LPP: variants seen among roughly 807,000 people sequenced by gnomAD.
LPP encodes lipoma-preferred partner.
Under a neutral mutation model 60.4 loss-of-function variants are expected in LPP, and 38 were observed. The observed-to-expected ratio is 0.63, with a 90% CI of 0.49 to 0.83. The LOEUF (loss-of-function observed/expected upper bound fraction) is 0.83, where lower values mean the gene tolerates loss of function less well. Among genes scored for constraint, LPP ranks in the 40% least tolerant of loss-of-function variants. The probability of loss-of-function intolerance (pLI) is 0.00; values close to 1 mark genes in which losing one functional copy is unlikely to be tolerated. For synonymous variants in LPP, 328 were observed against 290.8 expected (o/e 1.13, Z -1.30); for missense variants, 902 against 783.6 (o/e 1.15, Z -1.80).
intron 1 of LPP, among the ~76,000 whole-genome samples, chr3:188,184,244 TC>T (rs1365833692): frequency 1.3e-5 from 2 of 152,162 alleles, no homozygotes; most frequent in Non-Finnish European, 2.9e-5. Flanking sequence ...ACGGACTACT[TC>T]CAGCACCGAG....
intron 7 of LPP, among the ~76,000 whole-genome samples, chr3:188,705,606 A>AT (rs1042525720): frequency 6.6e-6 from 1 of 151,448 alleles, no homozygotes; most frequent in Admixed American, 6.6e-5. Context: ...TATATATATA[A>AT]TTTTTTTTAA....
At chr3:188,689,963 G>T (rs1413758807) in intron 7 of LPP, among the ~76,000 whole-genome samples, 1 of 151,816 alleles carries the variant, frequency 6.6e-6, no homozygotes, top group Non-Finnish European at 1.5e-5. Context: ...ATCCAGAATG[G>T]GATTTTTAAG....
At chr3:188,463,973 T>A (rs1213680080) in intron 4 of LPP, among the ~76,000 whole-genome samples, 1 of 152,180 alleles carries the variant, frequency 6.6e-6, no homozygotes, top group Non-Finnish European at 1.5e-5. Flanking sequence ...AATTGAAGTG[T>A]GCCCTAATCA....
chr3:188,507,152 G>A (rs1267442992), intron 5 of LPP, among the ~76,000 whole-genome samples: 4 of 152,114 alleles, frequency 2.6e-5, no homozygotes, highest in Non-Finnish European at 4.4e-5. Flanking sequence ...GATATTTGTG[G>A]CTTGATTGAT....
At chr3:188,788,896 A>C (rs1742760748) in intron 9 of LPP, among the ~76,000 whole-genome samples, 1 of 152,140 alleles carries the variant, frequency 6.6e-6, no homozygotes, top group Non-Finnish European at 1.5e-5. Flanking sequence ...ATAGACCAGA[A>C]TGAATCAAGG....
intron 4 of LPP, among the ~76,000 whole-genome samples, chr3:188,460,957 G>T (rs1798835469): frequency 6.6e-6 from 1 of 152,154 alleles, no homozygotes. Flanking sequence ...AGAGAACTAG[G>T]CTATGTCTTG....
At chr3:188,225,768 A>G (rs1020090124) in intron 2 of LPP, among the ~76,000 whole-genome samples, 2 of 152,302 alleles carry the variant, frequency 1.3e-5, no homozygotes, top group East Asian at 1.9e-4. Context: ...CAGCTCTTGG[A>G]AGGTGGTAGC....
chr3:188,358,768 A>G (rs1464283639), intron 3 of LPP, among the ~76,000 whole-genome samples: 1 of 152,156 alleles, frequency 6.6e-6, no homozygotes, highest in Non-Finnish European at 1.5e-5. Context: ...AGCGTTCCAA[A>G]AGCATATTCG....
At chr3:188,253,401 CA>C (rs1730612587) in intron 2 of LPP, among the ~76,000 whole-genome samples, 1 of 152,224 alleles carries the variant, frequency 6.6e-6, no homozygotes, top group East Asian at 1.9e-4. Context: ...ATCTTTAATT[CA>C]TCTGCAGTTT....
intron 4 of LPP, among the ~76,000 whole-genome samples, chr3:188,450,914 A>G (rs1164146234): frequency 1.3e-5 from 2 of 152,154 alleles, no homozygotes; most frequent in African/African-American, 2.4e-5. Context: ...GCTGCCACAA[A>G]TGTACTGTCG....
intron 1 of LPP, among the ~76,000 whole-genome samples, chr3:188,155,896 TC>T (rs1716212134): frequency 6.6e-6 from 1 of 152,026 alleles, no homozygotes; most frequent in Non-Finnish European, 1.5e-5. Flanking sequence ...GGAACTGTAG[TC>T]CCAGCTACTC....
chr3:188,263,976 A>C (rs1018115348), intron 2 of LPP, among the ~76,000 whole-genome samples: 1 of 152,142 alleles, frequency 6.6e-6, no homozygotes, highest in African/African-American at 2.4e-5. Flanking sequence ...TGGAGGGTCT[A>C]CTGTGTGCAA....
chr3:188,563,718 G>C lies in LPP; in HGVS notation c.429+38931G>C, dbSNP rs5855205. Among the ~76,000 whole-genome samples, 594 of 93,946 alleles carry C rather than the reference G, an allele frequency of 6.3e-3. 3 individuals carry two copies. The highest frequency in any genetic ancestry group is 0.01 in the Non-Finnish European group (435 of 42,448). 61.6% of individuals were successfully genotyped at this position (93,946 alleles called of 152,430 possible). ...TGAATCCAGAATTGGAATTGCTTGT[G>C]TTTTTTTTTGTTTTTTTTTTGTTTT... On this transcript the variant is annotated intron_variant, in intron 6 of 11. Coordinates refer to ENST00000617246, the MANE Select transcript of LPP (RefSeq NM_001375462.1).
intron 3 of LPP, among the ~76,000 whole-genome samples, chr3:188,389,477 G>C (rs1003580276): frequency 2.6e-5 from 4 of 152,060 alleles, no homozygotes; most frequent in Non-Finnish European, 5.9e-5. Context: ...TCCCTCCATG[G>C]TCTCTTAGAA....
intron 4 of LPP, among the ~76,000 whole-genome samples, chr3:188,459,107 A>G (rs1161915775): frequency 6.6e-6 from 1 of 152,090 alleles, no homozygotes; most frequent in Non-Finnish European, 1.5e-5. Flanking sequence ...TTTATAGAAG[A>G]GTTGTGGTTT....
chr3:188,734,846 G>T (rs773983500), intron 8 of LPP, among the ~76,000 whole-genome samples: 1 of 152,208 alleles, frequency 6.6e-6, no homozygotes, highest in Non-Finnish European at 1.5e-5. Context: ...ACACTGATAG[G>T]TTTGGGGAGC....
chr3:188,645,534 C>G (rs1015296015), intron 7 of LPP, among the ~76,000 whole-genome samples: 2 of 152,048 alleles, frequency 1.3e-5, no homozygotes, highest in African/African-American at 4.8e-5. Context: ...GGTGTGGTCT[C>G]GTGCATGGAG....
intron 7 of LPP, among the ~76,000 whole-genome samples, chr3:188,690,089 AT>A (rs1407790532): frequency 6.6e-6 from 1 of 152,210 alleles, no homozygotes; most frequent in African/African-American, 2.4e-5. Context: ...GATGTGCATA[AT>A]GCTCCCAAAG....
At chr3:188,526,506 C>T (rs7624821) in intron 6 of LPP, among the ~76,000 whole-genome samples, 1 of 151,992 alleles carries the variant, frequency 6.6e-6, no homozygotes, top group Non-Finnish European at 1.5e-5. Context: ...GGCCAGGCTT[C>T]TCTGGAACTC....
Sources: allele counts gnomAD v4.1 joint callset (sites outside exome capture counted in the v4.1 genomes callset), GRCh38; gene constraint gnomAD v4.1.1; transcripts MANE v1.5; gene names NCBI Gene and HGNC (gene_info 2026-07-23, HGNC 2026-07-21).